NCKAP5: variants seen among roughly 807,000 people sequenced by gnomAD.
The protein encoded by NCKAP5 is nck-associated protein 5.
NCKAP5 carries 92 observed loss-of-function variants against 167.0 expected under a neutral mutation model. That is an observed-to-expected ratio of 0.55 (90% CI 0.47 to 0.66). The LOEUF (loss-of-function observed/expected upper bound fraction) is 0.66, where lower values mean the gene tolerates loss of function less well. Ranked by LOEUF, NCKAP5 falls within the 30% of genes least tolerant of loss-of-function variation. The probability of loss-of-function intolerance (pLI) is 0.00; values close to 1 mark genes in which losing one functional copy is unlikely to be tolerated. For missense variants in NCKAP5, 2,378 were observed against 2,315.0 expected, an observed-to-expected ratio of 1.03 and a Z score of -0.56; for synonymous variants, 891 against 877.4, an observed-to-expected ratio of 1.02 and a Z score of -0.27.
In NCKAP5 at chr2:132,784,901, T is replaced by G. The variant is rs1418891768; in HGVS notation, c.1910A>C (p.Gln637Pro). ...LCGSPEEEEKQVPIPSETRPK... is the reference protein window; with the variant it reads ...LCGSPEEEEKPVPIPSETRPK... Reference sequence around the variant, plus strand: ...CCTAGTCTCTGAAGGGATGGGCACTTGTTTTTCCTCCTCTTCAGGAGACCC... The same window carrying G: ...CCTAGTCTCTGAAGGGATGGGCACTGGTTTTTCCTCCTCTTCAGGAGACCC... The change falls in exon 14 of 20, where the codon CAA becomes CCA. Residue 637 changes from glutamine (Q) to proline (P), a missense_variant. By Grantham distance (76) the Gln-to-Pro change is moderately conservative. Transcript: ENST00000409261. The G allele has an allele frequency of 6.4e-7, 1 of 1,569,908 alleles. No individual in the cohort carries two copies. The highest frequency in any genetic ancestry group is 1.7e-4 in the Middle Eastern group (1 of 5,808).
chr2:133,446,897 G>A (rs1379365715), intron 3 of NCKAP5, among the ~76,000 whole-genome samples: 6 of 152,122 alleles, frequency 3.9e-5, no homozygotes, highest in Non-Finnish European at 7.4e-5. Flanking sequence ...CATATTTAGT[G>A]GGTGGGAAAG....
At chr2:133,136,267 C>A (rs2082782754) in intron 5 of NCKAP5, among the ~76,000 whole-genome samples, 1 of 152,092 alleles carries the variant, frequency 6.6e-6, no homozygotes, top group South Asian at 2.1e-4. Context: ...TACCTCTATT[C>A]TAGGTCTAAT....
At position 133,052,607 on chromosome 2, in the gene NCKAP5, A is replaced by G. The variant is rs577103792; in HGVS notation, c.342-58368T>C. ...GTGGTGGGCACCTGTAATCCCAGAT[A>G]CCCAAGAGACTCAGGCAGGAGAATC... On this transcript the variant is annotated intron_variant, in intron 6 of 19. Transcript: ENST00000409261. 4.6e-5 allele frequency among the ~76,000 whole-genome samples: 7 copies of G among 151,986 alleles called. No homozygotes were observed. The South Asian group carries it at 1.5e-3, about 32-fold the overall frequency.
chr2:133,131,045 A>T (rs1327396415), intron 5 of NCKAP5, among the ~76,000 whole-genome samples: 1 of 152,232 alleles, frequency 6.6e-6, no homozygotes, highest in East Asian at 1.9e-4. Context: ...TAAACCAAAC[A>T]CTATGACTGT....
At chr2:132,695,684 T>C (rs759453042) in intron 19 of NCKAP5, among the ~76,000 whole-genome samples, 1 of 152,188 alleles carries the variant, frequency 6.6e-6, no homozygotes, top group Non-Finnish European at 1.5e-5. Context: ...TGGGGCCTTA[T>C]AATGTAAAAT....
intron 10 of NCKAP5, among the ~76,000 whole-genome samples, chr2:132,863,092 T>C (rs978799453): frequency 1.3e-5 from 2 of 152,160 alleles, no homozygotes; most frequent in Admixed American, 6.5e-5. Flanking sequence ...AGTGCTGGGA[T>C]TACAGGCATG....
chr2:133,025,979 C>A (rs993423135), intron 6 of NCKAP5, among the ~76,000 whole-genome samples: 5 of 152,234 alleles, frequency 3.3e-5, no homozygotes, highest in African/African-American at 9.6e-5. Context: ...TTCTCCCTCC[C>A]CCTCTCCTCC....
chr2:133,383,527 G>A (rs1357379734), intron 3 of NCKAP5, among the ~76,000 whole-genome samples: 5 of 152,256 alleles, frequency 3.3e-5, no homozygotes, highest in South Asian at 4.1e-4. Context: ...ATAAACATAC[G>A]TGTGCATGTG....
At chr2:133,485,357 A>T (rs1037384776) in intron 3 of NCKAP5, among the ~76,000 whole-genome samples, 3 of 152,138 alleles carry the variant, frequency 2.0e-5, no homozygotes, top group African/African-American at 7.2e-5. Context: ...CATTCCAAGA[A>T]TTCTCTAAAT....
intron 2 of NCKAP5, among the ~76,000 whole-genome samples, chr2:133,552,052 C>T (rs1317852160): frequency 2.4e-5 from 3 of 125,434 alleles, no homozygotes; most frequent in Non-Finnish European, 5.1e-5. Context: ...GAGATACCAT[C>T]TCACACCAGT....
intron 4 of NCKAP5, among the ~76,000 whole-genome samples, chr2:133,271,228 G>A (rs182649788): frequency 6.6e-6 from 1 of 151,846 alleles, no homozygotes; most frequent in East Asian, 1.9e-4. Flanking sequence ...CACTGCACCC[G>A]GCCTTGTTGC....
intron 16 of NCKAP5, among the ~76,000 whole-genome samples, chr2:132,749,965 T>C (rs1359504761): frequency 6.6e-6 from 1 of 151,944 alleles, no homozygotes; most frequent in African/African-American, 2.4e-5. Flanking sequence ...CCAACAATCA[T>C]GCTCCGAGTA....
chr2:133,060,373 T>C (rs1394645997), intron 6 of NCKAP5, among the ~76,000 whole-genome samples: 1 of 152,196 alleles, frequency 6.6e-6, no homozygotes, highest in Non-Finnish European at 1.5e-5. Context: ...ATACCCATCA[T>C]GACACATCTC....
chr2:132,771,110 T>C (rs1682007326), intron 16 of NCKAP5, among the ~76,000 whole-genome samples: 1 of 152,148 alleles, frequency 6.6e-6, no homozygotes, highest in Non-Finnish European at 1.5e-5. Context: ...GTTAACAGCC[T>C]CAGGGAAATT....
chr2:132,821,854 G>A (rs554108478), intron 11 of NCKAP5, among the ~76,000 whole-genome samples: 1 of 152,218 alleles, frequency 6.6e-6, no homozygotes. Context: ...CCCCACAGTG[G>A]CCGTGGCAAG....
chr2:132,713,785 T>C (rs1689094497), intron 19 of NCKAP5, among the ~76,000 whole-genome samples: 1 of 152,070 alleles, frequency 6.6e-6, no homozygotes, highest in Admixed American at 6.5e-5. Context: ...GTATGATGCT[T>C]GTGGGGGGTT....
Position 133,236,829 on chromosome 2 carries a change from T to C in NCKAP5, c.144-23050A>G, listed in dbSNP as rs1331245561. The stretch of plus-strand genomic sequence containing the variant: ...CACAGGTCTATTACCTCTATAGGCT[T>C]CAATTATGAAGCTGTCCCGAAAGTA... On this transcript the variant is annotated intron_variant, in intron 4 of 19. Transcript: ENST00000409261. Among the ~76,000 whole-genome samples, 8 of 152,242 alleles carry C rather than the reference T, an allele frequency of 5.3e-5. No individual in the cohort carries two copies. The East Asian group carries it at 9.7e-4, about 18-fold the overall frequency.
intron 8 of NCKAP5, among the ~76,000 whole-genome samples, chr2:132,924,926 GTGAAAA>G (rs1045908129): frequency 6.6e-6 from 1 of 152,018 alleles, no homozygotes; most frequent in African/African-American, 2.4e-5. Context: ...TAAGCTAAGG[GTGAAAA>G]AATAGAGATT....
intron 3 of NCKAP5, among the ~76,000 whole-genome samples, chr2:133,357,901 T>C (rs1559413317): frequency 1.3e-5 from 2 of 152,218 alleles, no homozygotes; most frequent in South Asian, 2.1e-4. Context: ...ATATCACTCA[T>C]TGCCTTGAGC....
Sources: gnomAD v4.1 joint callset for allele counts (sites outside exome capture counted in the v4.1 genomes callset) on GRCh38, gnomAD v4.1.1 for gene constraint, MANE v1.5 for transcripts, NCBI Gene and HGNC (gene_info 2026-07-23, HGNC 2026-07-21) for gene names.